Variants in LAMA2 observed in about 807,000 individuals in gnomAD.
LAMA2 encodes the protein laminin subunit alpha-2.
Under a neutral mutation model 364.8 loss-of-function variants are expected in LAMA2, and 269 were observed. The observed-to-expected ratio is 0.74, with a 90% CI of 0.67 to 0.82. LAMA2 has a LOEUF of 0.82. Ranked by LOEUF, LAMA2 falls within the 40% of genes least tolerant of loss-of-function variation. The pLI, the probability that LAMA2 is intolerant of heterozygous loss-of-function variation, is 0.00. For synonymous variants in LAMA2, 1,379 were observed against 1,370.6 expected (o/e 1.01, Z -0.14); for missense variants, 3,807 against 3,873.2 (o/e 0.98, Z 0.45).
At chr6:129,437,522 AT>A (rs1781892687) in intron 41 of LAMA2, among the ~76,000 whole-genome samples, 1 of 152,064 alleles carries the variant, frequency 6.6e-6, no homozygotes, top group East Asian at 1.9e-4. Context: ...TCTGTCTTGT[AT>A]TTACATGTTG....
chr6:129,158,955 A>C, intron 8 of LAMA2: 1 of 1,591,224 alleles, frequency 6.3e-7, no homozygotes, highest in Non-Finnish European at 8.6e-7. Flanking sequence ...AAAAAAGGCA[A>C]GGTATCCTCT....
chr6:129,224,338 A>T (rs1326194931), intron 12 of LAMA2, among the ~76,000 whole-genome samples: 2 of 152,034 alleles, frequency 1.3e-5, no homozygotes, highest in East Asian at 1.9e-4. Context: ...ACCCTTCATT[A>T]CTTTCTCCTG....
chr6:129,102,724 A>G (rs1775588911), intron 4 of LAMA2, among the ~76,000 whole-genome samples: 1 of 152,208 alleles, frequency 6.6e-6, no homozygotes, highest in African/African-American at 2.4e-5. Flanking sequence ...TTGAAAGAGA[A>G]TGTGTAGAAA....
At chr6:129,206,644 A>G (rs1306270106) in intron 12 of LAMA2, among the ~76,000 whole-genome samples, 1 of 152,192 alleles carries the variant, frequency 6.6e-6, no homozygotes, top group East Asian at 1.9e-4. Context: ...TACATTTTTT[A>G]TTCCTGATGT....
At chr6:129,453,252 A>G in intron 46 of LAMA2, 121 bp downstream of exon 46, 1 of 929,958 alleles carries the variant, frequency 1.1e-6, no homozygotes, top group Non-Finnish European at 1.7e-6. Context: ...AGGCTTTCAG[A>G]TTTGAAAACC....
intron 40 of LAMA2, among the ~76,000 whole-genome samples, chr6:129,418,103 A>C (rs187193249): frequency 3.2e-4 from 48 of 152,208 alleles, no homozygotes; most frequent in Admixed American, 2.4e-3. Flanking sequence ...CACTGCCATT[A>C]CTGAGACCCT....
chr6:129,172,175 C>G (rs1455752926), intron 9 of LAMA2, among the ~76,000 whole-genome samples: 3 of 152,212 alleles, frequency 2.0e-5, no homozygotes, highest in Admixed American at 6.5e-5. Flanking sequence ...TCTCTCAGCT[C>G]GTCAAAGTCG....
chr6:128,995,246 CA>C (rs1220507675), intron 1 of LAMA2, among the ~76,000 whole-genome samples: 1 of 152,092 alleles, frequency 6.6e-6, no homozygotes, highest in Non-Finnish European at 1.5e-5. Flanking sequence ...AGGTATATAT[CA>C]CACAAGATAT....
At chr6:129,325,532 TG>T (rs1250844811) in intron 28 of LAMA2, among the ~76,000 whole-genome samples, 6 of 149,056 alleles carry the variant, frequency 4.0e-5, no homozygotes, top group East Asian at 2.3e-4. Context: ...AGAGAATTTC[TG>T]TTTTTTTTTT....
At chr6:129,065,547 A>G (rs1213233012) in intron 3 of LAMA2, among the ~76,000 whole-genome samples, 1 of 152,214 alleles carries the variant, frequency 6.6e-6, no homozygotes, top group Non-Finnish European at 1.5e-5. Context: ...TAATAAACAA[A>G]TTCTGTAAAT....
intron 1 of LAMA2, among the ~76,000 whole-genome samples, chr6:128,970,661 G>GA (rs1028942738): frequency 2.2e-4 from 34 of 152,292 alleles, no homozygotes; most frequent in Middle Eastern, 3.4e-3. Flanking sequence ...TTCAATTGTG[G>GA]AAAATCATAT....
chr6:129,514,252 C>A, intron 63 of LAMA2, 121 bp from the exon 64 acceptor site: 1 of 795,710 alleles, frequency 1.3e-6, no homozygotes, highest in Non-Finnish European at 2.2e-6. Flanking sequence ...TGCCCAGTTA[C>A]ATCCATTTCA....
Position 128,962,185 on chromosome 6 carries a change from T to TATATATATATATATATATATAC in LAMA2, c.112+78829_112+78830insTATATATATATATATATATACA, listed in dbSNP as rs1214826895. 5.8e-5 allele frequency among the ~76,000 whole-genome samples: 6 copies of TATATATATATATATATATATAC among 103,916 alleles called. 1 individual carries two copies. The highest frequency in any genetic ancestry group is 1.0e-4 in the Non-Finnish European group (5 of 50,034). The allele number at this position is 103,916 out of a possible 152,430, so 68.2% of individuals were successfully genotyped here. On this transcript the variant is annotated intron_variant, in intron 1 of 64. Coordinates refer to ENST00000421865, the MANE Select transcript of LAMA2 (RefSeq NM_000426.4). ...ATATATATATATATATATATATATA[T>TATATATATATATATATATATAC]ACACACATACACACACACATACACA...
Position 129,507,494 on chromosome 6 carries a change from C to G in LAMA2, c.8709C>G (p.Thr2903=). Residue 2903 remains threonine, a synonymous_variant, in exon 62 of 65, where the codon ACC becomes ACG. Coordinates refer to ENST00000421865, the MANE Select transcript of LAMA2 (RefSeq NM_000426.4). ...CTTCTGATCTGAATGTTTAGGTGACCTATAGCATTGATGGCTGCGTCAGGA... is the reference window on the plus strand; with the variant it reads ...CTTCTGATCTGAATGTTTAGGTGACGTATAGCATTGATGGCTGCGTCAGGA... The part of the protein sequence containing the change: ...NYTTRRIGPV[T]YSIDGCVRNL... The G allele has an allele frequency of 6.2e-7, 1 of 1,614,130 alleles. No homozygotes were observed.
chr6:129,075,055 T>A (rs1034080924), intron 3 of LAMA2, among the ~76,000 whole-genome samples: 1 of 152,118 alleles, frequency 6.6e-6, no homozygotes, highest in Admixed American at 6.5e-5. Context: ...GTAAACAATT[T>A]AGAATAGTGC....
At chr6:129,217,501 A>G (rs1475090949) in intron 12 of LAMA2, among the ~76,000 whole-genome samples, 3 of 152,184 alleles carry the variant, frequency 2.0e-5, no homozygotes, top group Non-Finnish European at 4.4e-5. Context: ...ACTACCAGAG[A>G]GCTATGCATT....
intron 13 of LAMA2, 119 bp downstream of exon 13, chr6:129,250,332 T>A: frequency 5.7e-6 from 4 of 707,066 alleles, no homozygotes; most frequent in Non-Finnish European, 1.0e-5. Flanking sequence ...AAAAAAAATA[T>A]ACCTTAGGAG....
intron 27 of LAMA2, among the ~76,000 whole-genome samples, chr6:129,318,414 G>GAA (rs982611127): frequency 6.7e-6 from 1 of 148,428 alleles, no homozygotes; most frequent in African/African-American, 2.5e-5. Context: ...CTAATCCCCT[G>GAA]AAAAAAAAAA....
Position 129,359,104 on chromosome 6 carries a change from T to A in LAMA2, c.4717+5747T>A, listed in dbSNP as rs899008042. 2.6e-5 allele frequency among the ~76,000 whole-genome samples: 4 copies of A among 151,890 alleles called. No homozygotes were observed. The South Asian group carries it at 8.3e-4, about 31-fold the overall frequency. On this transcript the variant is annotated intron_variant, in intron 32 of 64. Transcript: ENST00000421865. ...GCAAAGTATAATACATTGCCAGTCA[T>A]GTAGTGACTGTTGTGTAGATAAAAA...
Sources: allele counts gnomAD v4.1 joint callset (sites outside exome capture counted in the v4.1 genomes callset), GRCh38; gene constraint gnomAD v4.1.1; transcripts MANE v1.5; gene names NCBI Gene and HGNC (gene_info 2026-07-23, HGNC 2026-07-21).